ITGB5: variants seen among roughly 807,000 people sequenced by gnomAD.
The protein encoded by ITGB5 is integrin beta-5.
ITGB5 carries 38 observed loss-of-function variants against 84.8 expected under a neutral mutation model. The observed-to-expected ratio is 0.45, with a 90% CI of 0.35 to 0.59. The LOEUF (loss-of-function observed/expected upper bound fraction) is 0.59, where lower values mean the gene tolerates loss of function less well. Ranked by LOEUF, ITGB5 falls within the 20% of genes least tolerant of loss-of-function variation. The pLI is 0.01. For synonymous variants in ITGB5, 393 were observed against 414.4 expected (o/e 0.95, Z 0.63); for missense variants, 905 against 1,034.5 (o/e 0.87, Z 1.72).
At chr3:124,843,700 G>A (rs970449655) in intron 4 of ITGB5, among the ~76,000 whole-genome samples, 6 of 152,280 alleles carry the variant, frequency 3.9e-5, no homozygotes, top group African/African-American at 1.4e-4. Flanking sequence ...TGAGTTATCT[G>A]ACTTAACCCC....
intron 8 of ITGB5, among the ~76,000 whole-genome samples, chr3:124,813,509 G>A (rs951490297): frequency 7.9e-5 from 12 of 152,046 alleles, no homozygotes; most frequent in Non-Finnish European, 1.2e-4. Flanking sequence ...CCAACTGATC[G>A]GCTATAAATT....
intron 2 of ITGB5, among the ~76,000 whole-genome samples, chr3:124,866,107 T>C (rs562277315): frequency 6.6e-6 from 1 of 151,392 alleles, no homozygotes; most frequent in Admixed American, 6.6e-5. Context: ...GTGATTCTCA[T>C]GCCTCAGCCT....
chr3:124,826,700 G>A (rs376743155), intron 5 of ITGB5, among the ~76,000 whole-genome samples: 3 of 152,156 alleles, frequency 2.0e-5, no homozygotes, highest in South Asian at 2.1e-4. Context: ...ATTCATAAAC[G>A]TGCCTGGTTC....
At chr3:124,808,165 G>A (rs775947869) in intron 9 of ITGB5, among the ~76,000 whole-genome samples, 10 of 152,048 alleles carry the variant, frequency 6.6e-5, no homozygotes, top group Non-Finnish European at 8.8e-5. Context: ...CGCCTTGGCC[G>A]TCATGAGTGC....
chr3:124,841,630 T>C, intron 4 of ITGB5, 79 bp from the exon 5 acceptor site: 6 of 1,441,832 alleles, frequency 4.2e-6, no homozygotes, highest in South Asian at 1.3e-5. Flanking sequence ...ATTCACTGAG[T>C]GCCTTGAGAG....
At chr3:124,859,207 C>T (rs1370755263) in intron 3 of ITGB5, 35 bp downstream of exon 3, 1 of 1,598,376 alleles carries the variant, frequency 6.3e-7, no homozygotes, top group Non-Finnish European at 8.6e-7. Flanking sequence ...CCTTCCTGAT[C>T]CCAGAGCATC....
chr3:124,782,870 G>GA lies in ITGB5; in HGVS notation c.1694-8959dup, dbSNP rs113191914. Among the ~76,000 whole-genome samples the GA allele has an allele frequency of 2.5e-3, 369 of 148,104 alleles. 4 individuals are homozygous for GA. The highest frequency in any genetic ancestry group is 8.5e-3 in the African/African-American group (346 of 40,638). On this transcript the variant is annotated intron_variant, in intron 10 of 14. Coordinates refer to ENST00000296181, the MANE Select transcript of ITGB5 (RefSeq NM_002213.5). Reference sequence around the variant, plus strand: ...GAGTGAAACTCCGTCTCAAAAAAAAGAAAAAAAAAATGTGGTTGTGAATAT... The same window carrying GA: ...GAGTGAAACTCCGTCTCAAAAAAAAGAAAAAAAAAAATGTGGTTGTGAATAT...
chr3:124,838,528 A>G (rs2064967795), intron 5 of ITGB5, among the ~76,000 whole-genome samples: 1 of 152,242 alleles, frequency 6.6e-6, no homozygotes, highest in African/African-American at 2.4e-5. Flanking sequence ...TTTTCCTAGA[A>G]GAGGGAGCCA....
At chr3:124,828,041 C>T (rs2064808811) in intron 5 of ITGB5, among the ~76,000 whole-genome samples, 1 of 152,026 alleles carries the variant, frequency 6.6e-6, no homozygotes, top group African/African-American at 2.4e-5. Flanking sequence ...AGCCTGCCTG[C>T]ACCCAGGTGA....
chr3:124,799,904 G>C (rs551518261), intron 9 of ITGB5, among the ~76,000 whole-genome samples: 90 of 152,340 alleles, frequency 5.9e-4, no homozygotes, highest in East Asian at 2.3e-3. Context: ...GTGGTGGCCA[G>C]AGGCATCTCC....
At chr3:124,825,393 A>G (rs928369917) in intron 5 of ITGB5, among the ~76,000 whole-genome samples, 1 of 152,226 alleles carries the variant, frequency 6.6e-6, no homozygotes, top group Non-Finnish European at 1.5e-5. Flanking sequence ...AAAAACCTAT[A>G]TGCAAGTATT....
At chr3:124,799,897 G>A (rs776742769) in intron 9 of ITGB5, among the ~76,000 whole-genome samples, 11 of 152,210 alleles carry the variant, frequency 7.2e-5, no homozygotes, top group Non-Finnish European at 1.3e-4. Flanking sequence ...CCCCAAAGTG[G>A]TGGCCAGAGG....
chr3:124,832,114 A>G (rs2064868967), intron 5 of ITGB5, among the ~76,000 whole-genome samples: 1 of 152,208 alleles, frequency 6.6e-6, no homozygotes, highest in South Asian at 2.1e-4. Flanking sequence ...GCTCCAGAAA[A>G]GAGTGGCACA....
At chr3:124,789,321 T>A (rs554399132) in intron 10 of ITGB5, among the ~76,000 whole-genome samples, 1 of 152,394 alleles carries the variant, frequency 6.6e-6, no homozygotes, top group Non-Finnish European at 1.5e-5. Context: ...GTGGCCTTAA[T>A]CTCAGGAGTG....
At chr3:124,875,596 G>A (rs928808031) in intron 1 of ITGB5, among the ~76,000 whole-genome samples, 43 of 152,112 alleles carry the variant, frequency 2.8e-4, no homozygotes, top group African/African-American at 8.7e-4. Context: ...TATGGAAAAT[G>A]ATATGGAGGT....
chr3:124,769,561 G>T (rs2063812946), intron 11 of ITGB5: 1 of 153,624 alleles, frequency 6.5e-6, no homozygotes, highest in African/African-American at 2.4e-5. Context: ...CCCAGGGCGG[G>T]GATCTCAACC....
At chr3:124,886,858 C>T (rs1282268871) in intron 1 of ITGB5, 73 bp downstream of exon 1, 2 of 969,696 alleles carry the variant, frequency 2.1e-6, no homozygotes, top group Admixed American at 9.3e-5. Context: ...GCGCTCCCCG[C>T]CCCTCCGAGA....
chr3:124,878,287 G>C (rs1004242733), intron 1 of ITGB5, among the ~76,000 whole-genome samples: 1 of 152,168 alleles, frequency 6.6e-6, no homozygotes, highest in Non-Finnish European at 1.5e-5. Flanking sequence ...CTGAGCTCTG[G>C]TCTTCTGGTC....
At chr3:124,817,351 G>C (rs1400692321) in intron 8 of ITGB5, among the ~76,000 whole-genome samples, 1 of 152,222 alleles carries the variant, frequency 6.6e-6, no homozygotes, top group Admixed American at 6.5e-5. Flanking sequence ...CAGGCCACCA[G>C]CCTGAGTCTG....
Sources: gnomAD v4.1 joint callset for allele counts (sites outside exome capture counted in the v4.1 genomes callset) on GRCh38, gnomAD v4.1.1 for gene constraint, MANE v1.5 for transcripts, NCBI Gene and HGNC (gene_info 2026-07-23, HGNC 2026-07-21) for gene names.